Variants in VTCN1 observed in about 807,000 individuals in gnomAD.
The protein encoded by VTCN1 is V-set domain-containing T-cell activation inhibitor 1.
A neutral mutation model predicts 26.5 loss-of-function variants in VTCN1; 26 were observed. The observed-to-expected ratio is 0.98, with a 90% CI of 0.72 to 1.36. VTCN1 has a LOEUF of 1.36. Among genes scored for constraint, VTCN1 ranks in the 40% most tolerant of loss-of-function variants. The pLI is 0.00. For synonymous variants in VTCN1, 116 were observed against 130.7 expected (o/e 0.89, Z 0.77); for missense variants, 298 against 337.7 (o/e 0.88, Z 0.92).
intron 1 of VTCN1, chr1:117,172,388 C>T (rs1652967312): frequency 1.9e-6 from 1 of 518,646 alleles, no homozygotes; most frequent in Non-Finnish European, 3.9e-6. Context: ...CATATTTGGC[C>T]ACTGCTCCTC....
rs1156886749 is a variant in VTCN1, at chr1:117,145,370, T to C, written c.*46-145A>G. On this transcript the variant is annotated intron_variant, in intron 5 of 5. Transcript: ENST00000369458. This position sits in a 1 kb window ranked among gnomAD's most constrained non-coding sequence, Gnocchi z 4.6. ...TTTTCAGTATTTTGATGTTGTTCTA[T>C]TGAGGCCACATGGTCCCATGGGTTG... is the stretch of plus-strand genomic sequence containing the variant. 4 of 152,210 alleles carry C rather than the reference T, an allele frequency of 2.6e-5. No homozygotes were observed. The highest frequency in any genetic ancestry group is 6.5e-5 in the Admixed American group (1 of 15,274). 9.4% of individuals were successfully genotyped at this position (152,210 alleles called of 1,614,324 possible).
intron 1 of VTCN1, among the ~76,000 whole-genome samples, chr1:117,206,128 T>A (rs188423124): frequency 1.1e-3 from 155 of 144,650 alleles, no homozygotes; most frequent in African/African-American, 3.8e-3. Flanking sequence ...ACAAAAGGTG[T>A]GGTGGACTTT....
In VTCN1 at chr1:117,147,916, G is replaced by T; in HGVS notation, c.725-134C>A. 1 of 1,169,010 alleles carries T rather than the reference G, an allele frequency of 8.6e-7. No individual in the cohort carries two copies. The highest frequency in any genetic ancestry group is 1.2e-6 in the Non-Finnish European group (1 of 839,140). The allele number at this position is 1,169,010 out of a possible 1,614,324, so 72.4% of individuals were successfully genotyped here. A position where few individuals can be genotyped will look rare whatever the true frequency, so the allele number is the denominator to read the frequency against. The stretch of plus-strand genomic sequence containing the variant: ...AATTCAGGCAATTTTTTACCCCTTT[G>T]CCCACCTCTCCGTAACTGGCTTAAA... On this transcript the variant is annotated intron_variant, in intron 4 of 5. Transcript: ENST00000369458. This position sits in a 1 kb window ranked among gnomAD's most constrained non-coding sequence, Gnocchi z 4.6.
rs914805016 is a variant in VTCN1 at position 117,147,903 on chromosome 1, T to G, written c.725-121A>C. 4.5e-6 allele frequency: 6 copies of G among 1,321,940 alleles called. No homozygotes were observed. The South Asian group carries it at 8.8e-5, about 19-fold the overall frequency. The allele number at this position is 1,321,940 out of a possible 1,614,324, so 81.9% of individuals were successfully genotyped here. A position where few individuals can be genotyped will look rare whatever the true frequency, so the allele number is the denominator to read the frequency against. On this transcript the variant is annotated intron_variant, in intron 4 of 5. Coordinates refer to ENST00000369458, the MANE Select transcript of VTCN1 (RefSeq NM_024626.4). The surrounding 1 kb of genome is among the most constrained non-coding windows in gnomAD (Gnocchi z 4.6). ...ACAAGTTGTTCCTAATTCAGGCAAT[T>G]TTTTACCCCTTTGCCCACCTCTCCG...
intron 1 of VTCN1, chr1:117,173,365 A>AACACACACACACAC (rs140251705): frequency 3.7e-4 from 142 of 383,702 alleles, no homozygotes; most frequent in African/African-American, 2.8e-3. Context: ...GACACAGATG[A>AACACACACACACAC]ACACACACAC....
chr1:117,190,856 A>C (rs952059411), intron 1 of VTCN1, among the ~76,000 whole-genome samples: 1 of 152,254 alleles, frequency 6.6e-6, no homozygotes, highest in Non-Finnish European at 1.5e-5. Flanking sequence ...AAGTCTATGC[A>C]CATTAAGAAG....
chr1:117,192,387 T>A (rs960208040), intron 1 of VTCN1, among the ~76,000 whole-genome samples: 2 of 152,124 alleles, frequency 1.3e-5, no homozygotes, highest in Non-Finnish European at 2.9e-5. Flanking sequence ...TTATGAGAGA[T>A]GCTAAAGAAG....
intron 2 of VTCN1, among the ~76,000 whole-genome samples, chr1:117,166,651 T>A: frequency 8.3e-6 from 1 of 119,822 alleles, no homozygotes. Context: ...AGCTACTCTG[T>A]CTCAAAAAAA....
intron 1 of VTCN1, chr1:117,172,494 T>C (rs949515428): frequency 1.9e-6 from 1 of 518,726 alleles, no homozygotes; most frequent in Non-Finnish European, 3.9e-6. Context: ...CTGCTGTCTT[T>C]GACTACTGAC....
chr1:117,191,535 C>T (rs1371696980), intron 1 of VTCN1, among the ~76,000 whole-genome samples: 1 of 152,154 alleles, frequency 6.6e-6, no homozygotes. Flanking sequence ...GTAATCCCAG[C>T]ACTTTGGGAG....
chr1:117,192,775 A>G (rs1648309160), intron 1 of VTCN1, among the ~76,000 whole-genome samples: 1 of 152,168 alleles, frequency 6.6e-6, no homozygotes, highest in African/African-American at 2.4e-5. Context: ...TAGACAAAAG[A>G]TAAAGAGAAA....
At chr1:117,189,446 GT>G (rs1420126368) in intron 1 of VTCN1, among the ~76,000 whole-genome samples, 1 of 152,184 alleles carries the variant, frequency 6.6e-6, no homozygotes, top group South Asian at 2.1e-4. Context: ...GTATTTAACT[GT>G]TTTTCCCTGT....
At chr1:117,202,194 G>A (rs1648824935) in intron 1 of VTCN1, among the ~76,000 whole-genome samples, 1 of 152,174 alleles carries the variant, frequency 6.6e-6, no homozygotes, top group Non-Finnish European at 1.5e-5. Context: ...AGGTATTTTG[G>A]CAAAAGTAGG....
rs1384550660 is a variant in VTCN1 at position 117,165,456 on chromosome 1, T to C, written c.97+4651A>G. Among the ~76,000 whole-genome samples the C allele has an allele frequency of 2.0e-5, 3 of 152,306 alleles. No homozygotes were observed. The East Asian group carries it at 5.8e-4, about 29-fold the overall frequency. On this transcript the variant is annotated intron_variant, in intron 2 of 5. Transcript: ENST00000369458. The stretch of plus-strand genomic sequence containing the variant: ...TGCCTGGTGGGAGGTGTGTGGGTCA[T>C]TGGGGCAGATCCCTTATAAATGGCT...
rs1213528760 is a variant in VTCN1, at chr1:117,194,615, A to T, written c.32+16209T>A. On this transcript the variant is annotated intron_variant, in intron 1 of 5. Transcript: ENST00000369458. ...TTCACAAGAGCCATCATATGGAAACAAACTGTGTCTATCAATACATGAGTT... is the reference window on the plus strand; with the variant it reads ...TTCACAAGAGCCATCATATGGAAACTAACTGTGTCTATCAATACATGAGTT... Among the ~76,000 whole-genome samples the T allele has an allele frequency of 2.0e-5, 3 of 152,222 alleles. No individual in the cohort carries two copies. In the East Asian group the frequency reaches 5.8e-4, roughly 29 times the overall value.
rs923818515 is a variant in VTCN1 at position 117,153,461 on chromosome 1, A to T, written c.446-92T>A. 113 of 1,117,422 alleles carry T rather than the reference A, an allele frequency of 1.0e-4. 1 individual carries two copies. The highest frequency in any genetic ancestry group is 9.0e-4 in the African/African-American group (52 of 57,772). 69.2% of individuals were successfully genotyped at this position (1,117,422 alleles called of 1,614,324 possible). On this transcript the variant is annotated intron_variant, in intron 3 of 5. Coordinates refer to ENST00000369458, the MANE Select transcript of VTCN1 (RefSeq NM_024626.4). ...AGCGCTAGGCCTTAAAAATGCAGTC[A>T]TTTTTTTTTTTTTTTTTTTATCATT...
intron 1 of VTCN1, among the ~76,000 whole-genome samples, chr1:117,193,853 C>T (rs1240657856): frequency 2.0e-5 from 3 of 152,090 alleles, no homozygotes; most frequent in Admixed American, 1.3e-4. Context: ...TTATCTTACA[C>T]CACACACAAA....
intron 3 of VTCN1, 107 bp from the exon 4 acceptor site, chr1:117,153,476 T>G (rs1042584238): frequency 4.0e-5 from 54 of 1,350,258 alleles, no homozygotes; most frequent in Non-Finnish European, 5.2e-5. Context: ...TTTTTTTTTT[T>G]TTTTATCATT....
At chr1:117,168,299 T>A (rs1652717675) in intron 2 of VTCN1, among the ~76,000 whole-genome samples, 1 of 152,180 alleles carries the variant, frequency 6.6e-6, no homozygotes, top group Non-Finnish European at 1.5e-5. Flanking sequence ...ATGACGGTAC[T>A]GAAGGGAAGT....
Sources: allele counts gnomAD v4.1 joint callset (sites outside exome capture counted in the v4.1 genomes callset), GRCh38; gene constraint gnomAD v4.1.1; non-coding constraint Gnocchi (gnomAD v3.1); transcripts MANE v1.5; gene names NCBI Gene and HGNC (gene_info 2026-07-23, HGNC 2026-07-21).